The following ITFG1 variants were observed in gnomAD, a reference collection of about 807,000 sequenced individuals.
ITFG1 encodes integrin alpha FG-GAP repeat containing 1, also known as T-cell immunomodulatory protein.
ITFG1 carries 34 observed loss-of-function variants against 81.8 expected under a neutral mutation model. The ratio of observed to expected loss-of-function variants is 0.42; its 90% confidence interval spans 0.32 to 0.55. The LOEUF is 0.55. Ranked by LOEUF, ITFG1 falls within the 20% of genes least tolerant of loss-of-function variation. The probability of loss-of-function intolerance (pLI) is 0.17; values close to 1 mark genes in which losing one functional copy is unlikely to be tolerated. For missense variants in ITFG1, 672 were observed against 755.4 expected (o/e 0.89, Z 1.29); for synonymous variants, 285 against 270.6 (o/e 1.05, Z -0.52).
intron 8 of ITFG1, among the ~76,000 whole-genome samples, chr16:47,348,231 GAGA>G (rs767642621): frequency 1.3e-5 from 2 of 152,222 alleles, no homozygotes; most frequent in Non-Finnish European, 2.9e-5. Flanking sequence ...GACGAGTTAA[GAGA>G]AGAAGGATTC....
intron 14 of ITFG1, among the ~76,000 whole-genome samples, chr16:47,201,832 T>C (rs1197333868): frequency 6.6e-6 from 1 of 152,240 alleles, no homozygotes; most frequent in Non-Finnish European, 1.5e-5. Context: ...TGACCTTGTA[T>C]TGTTTATCTT....
intron 1 of ITFG1, 60 bp downstream of exon 1, chr16:47,460,778 G>C: frequency 1.6e-5 from 25 of 1,567,314 alleles, no homozygotes; most frequent in South Asian, 2.3e-5. Flanking sequence ...CAATGGGTTT[G>C]GGGAACACCG....
At position 47,409,395 on chromosome 16, in the gene ITFG1, TA is replaced by T. The variant is rs1596964351; in HGVS notation, c.655+19408del. On this transcript the variant is annotated intron_variant, in intron 6 of 17. Transcript: ENST00000320640. Reference sequence around the variant, plus strand: ...CACACTATATATATATATATATATATATATATATATTTTTTTTTTTTTTTTT... The same window carrying T: ...CACACTATATATATATATATATATATTATATATATTTTTTTTTTTTTTTTT... Among the ~76,000 whole-genome samples, 84 of 17,852 alleles carry T rather than the reference TA, an allele frequency of 4.7e-3. 2 individuals are homozygous for T. The highest frequency in any genetic ancestry group is 4.0e-3 in the Admixed American group (7 of 1,732). 11.7% of individuals were successfully genotyped at this position (17,852 alleles called of 152,430 possible). A position where few individuals can be genotyped will look rare whatever the true frequency, so the allele number is the denominator to read the frequency against.
chr16:47,217,052 G>T (rs1243998753), intron 14 of ITFG1, among the ~76,000 whole-genome samples: 1 of 151,910 alleles, frequency 6.6e-6, no homozygotes, highest in Non-Finnish European at 1.5e-5. Flanking sequence ...GGCTAGAGTA[G>T]CTATTGTATC....
intron 17 of ITFG1, among the ~76,000 whole-genome samples, chr16:47,156,118 A>G (rs1428944476): frequency 6.6e-6 from 1 of 152,176 alleles, no homozygotes. Flanking sequence ...TTTTTCTGTC[A>G]TTTTTAACAA....
At chr16:47,408,450 AG>A (rs1297805271) in intron 6 of ITFG1, among the ~76,000 whole-genome samples, 1 of 152,222 alleles carries the variant, frequency 6.6e-6, no homozygotes, top group Non-Finnish European at 1.5e-5. Context: ...GTGAGGCTAA[AG>A]GCCATGTAAA....
chr16:47,209,981 C>A lies in ITFG1; in HGVS notation c.1453+8887G>T, dbSNP rs199514172. 2.0e-5 allele frequency among the ~76,000 whole-genome samples: 3 copies of A among 152,062 alleles called. No individual in the cohort carries two copies. In the East Asian group the frequency reaches 5.8e-4, roughly 29 times the overall value. On this transcript the variant is annotated intron_variant, in intron 14 of 17. Transcript: ENST00000320640. ...TGCCTGGGTTGCTTCTAGTTTAGGG[C>A]TATTATGAATACAGCTGGTATAAAC...
Position 47,155,585 on chromosome 16 carries a change from G to T in ITFG1, c.*134C>A. On this transcript the variant is annotated 3_prime_UTR_variant, in exon 18 of 18. Coordinates refer to ENST00000320640, the MANE Select transcript of ITFG1 (RefSeq NM_030790.5). ...TGACATATTCAAACCATATTTATTT[G>T]AATACTTTCCAATAATTACCATGGG... 1.6e-6 allele frequency: 1 copy of T among 639,924 alleles called. No homozygotes were observed. Among genetic ancestry groups the T allele is most frequent in the Non-Finnish European group, 2.7e-6 (1 of 371,284 alleles). 39.6% of individuals were successfully genotyped at this position (639,924 alleles called of 1,614,324 possible). A position where few individuals can be genotyped will look rare whatever the true frequency, so the allele number is the denominator to read the frequency against.
intron 13 of ITFG1, among the ~76,000 whole-genome samples, chr16:47,221,224 T>C (rs909443490): frequency 3.9e-5 from 6 of 152,164 alleles, no homozygotes; most frequent in Admixed American, 1.3e-4. Flanking sequence ...GTGAACAAGC[T>C]CCATCACTGT....
chr16:47,399,567 C>T (rs1226675450), intron 6 of ITFG1, among the ~76,000 whole-genome samples: 3 of 148,880 alleles, frequency 2.0e-5, no homozygotes, highest in Non-Finnish European at 4.5e-5. Context: ...AGCGAGACTC[C>T]GTCTCAAAAA....
At chr16:47,261,005 C>A (rs1436446493) in intron 10 of ITFG1, among the ~76,000 whole-genome samples, 1 of 152,182 alleles carries the variant, frequency 6.6e-6, no homozygotes, top group East Asian at 1.9e-4. Flanking sequence ...AGTTCCTGCA[C>A]ACTGTCATTA....
At chr16:47,345,369 C>T (rs947631425) in intron 8 of ITFG1, among the ~76,000 whole-genome samples, 2 of 151,424 alleles carry the variant, frequency 1.3e-5, no homozygotes, top group African/African-American at 2.4e-5. Flanking sequence ...GGCACTATCT[C>T]GGCTCACTGC....
chr16:47,397,846 C>T (rs1476841150), intron 6 of ITFG1, among the ~76,000 whole-genome samples: 2 of 152,150 alleles, frequency 1.3e-5, no homozygotes, highest in Non-Finnish European at 2.9e-5. Context: ...GATCACACTG[C>T]AGGCAGCCAC....
intron 13 of ITFG1, among the ~76,000 whole-genome samples, chr16:47,224,094 G>A (rs1287427114): frequency 1.3e-5 from 2 of 151,462 alleles, no homozygotes; most frequent in Non-Finnish European, 2.9e-5. Flanking sequence ...GGATAGCATT[G>A]GGAGATACAC....
intron 6 of ITFG1, among the ~76,000 whole-genome samples, chr16:47,418,414 ATTT>A (rs1427163909): frequency 6.6e-6 from 1 of 151,656 alleles, no homozygotes. Flanking sequence ...TGTTTTTGAA[ATTT>A]TTTTGTTTGT....
chr16:47,427,941 C>T (rs1317308066), intron 6 of ITFG1, among the ~76,000 whole-genome samples: 1 of 152,148 alleles, frequency 6.6e-6, no homozygotes, highest in Non-Finnish European at 1.5e-5. Context: ...CAAGACCAGT[C>T]TAGGCAACAT....
chr16:47,260,376 T>C lies in ITFG1; in HGVS notation c.1221+169A>G, dbSNP rs1042754132. Among the ~76,000 whole-genome samples, 8 of 152,228 alleles carry C rather than the reference T, an allele frequency of 5.3e-5. No individual in the cohort carries two copies. The South Asian group carries it at 1.7e-3, about 32-fold the overall frequency. ...TGACTGTACTGATCAGCCAATGTTG[T>C]CAATAGATTTGTTTCATCTGTCATT... is the stretch of plus-strand genomic sequence containing the variant. On this transcript the variant is annotated intron_variant, in intron 11 of 17. Coordinates refer to ENST00000320640, the MANE Select transcript of ITFG1 (RefSeq NM_030790.5).
At chr16:47,381,879 C>T (rs1193982615) in intron 6 of ITFG1, among the ~76,000 whole-genome samples, 1 of 152,026 alleles carries the variant, frequency 6.6e-6, no homozygotes, top group Non-Finnish European at 1.5e-5. Flanking sequence ...AGGCATAAGG[C>T]CTTAACTTAA....
At chr16:47,322,164 T>C (rs1389863234) in intron 8 of ITFG1, among the ~76,000 whole-genome samples, 3 of 152,066 alleles carry the variant, frequency 2.0e-5, no homozygotes, top group Non-Finnish European at 2.9e-5. Context: ...ACTTTAAAAA[T>C]AAGAAATATA....
Sources: gnomAD v4.1 joint callset for allele counts (sites outside exome capture counted in the v4.1 genomes callset) on GRCh38, gnomAD v4.1.1 for gene constraint, MANE v1.5 for transcripts, NCBI Gene and HGNC (gene_info 2026-07-23, HGNC 2026-07-21) for gene names.